The following PDE4D variants were observed in gnomAD, a reference collection of about 807,000 sequenced individuals.
The protein encoded by PDE4D is 3',5'-cyclic-AMP phosphodiesterase 4D.
In PDE4D, 24 loss-of-function variants were observed where a neutral mutation model predicts 87.4. That is an observed-to-expected ratio of 0.27 (90% CI 0.20 to 0.39). The LOEUF (loss-of-function observed/expected upper bound fraction) is 0.39. Ranked by LOEUF, PDE4D falls within the 10% of genes least tolerant of loss-of-function variation. PDE4D has a pLI of 1.00. For synonymous variants in PDE4D, 384 were observed against 383.2 expected, an observed-to-expected ratio of 1.00 and a Z score of -0.02; for missense variants, 714 against 1,041.0, an observed-to-expected ratio of 0.69 and a Z score of 4.32.
At chr5:59,394,900 G>A (rs987029182) in intron 1 of PDE4D, among the ~76,000 whole-genome samples, 28 of 152,210 alleles carry the variant, frequency 1.8e-4, no homozygotes, top group African/African-American at 3.1e-4. Flanking sequence ...GAAGCAGGGC[G>A]AGGCATTGCC....
chr5:59,249,621 T>C (rs1309087404), intron 1 of PDE4D, among the ~76,000 whole-genome samples: 4 of 152,090 alleles, frequency 2.6e-5, no homozygotes, highest in African/African-American at 9.7e-5. Context: ...ATATAAGTAA[T>C]GTTTGAAATA....
chr5:59,971,621 G>A (rs1210437610), intron 3 of PDE4D, among the ~76,000 whole-genome samples: 1 of 152,062 alleles, frequency 6.6e-6, no homozygotes, highest in Non-Finnish European at 1.5e-5. Context: ...TCTCCTTATT[G>A]AGAGCTTTAA....
At chr5:60,102,522 T>G (rs956399973) in intron 2 of PDE4D, among the ~76,000 whole-genome samples, 2 of 152,106 alleles carry the variant, frequency 1.3e-5, no homozygotes, top group East Asian at 3.9e-4. Flanking sequence ...TCTAAATAAA[T>G]TCAGAGAATT....
chr5:59,705,269 T>G (rs1324991519), intron 1 of PDE4D, among the ~76,000 whole-genome samples: 2 of 152,188 alleles, frequency 1.3e-5, no homozygotes, highest in African/African-American at 2.4e-5. Flanking sequence ...ACCAAACTGT[T>G]GTCTGGAGCC....
At chr5:60,022,617 C>T (rs185304343) in intron 2 of PDE4D, 4 of 152,360 alleles carry the variant, frequency 2.6e-5, no homozygotes, top group African/African-American at 9.6e-5. Context: ...CTCATTACAT[C>T]TCAATGTCCC....
At chr5:59,622,165 T>C (rs1200500004) in intron 1 of PDE4D, among the ~76,000 whole-genome samples, 1 of 152,110 alleles carries the variant, frequency 6.6e-6, no homozygotes, top group African/African-American at 2.4e-5. Context: ...CTACACTATT[T>C]TCTTTATATA....
At chr5:60,482,412 A>C (rs537257044) in intron 1 of PDE4D, among the ~76,000 whole-genome samples, 62 of 152,306 alleles carry the variant, frequency 4.1e-4, no homozygotes, top group African/African-American at 1.5e-3. Context: ...CCAACTTTTT[A>C]TTCTTCCCAG....
At chr5:59,644,978 GAA>G (rs570091750) in intron 1 of PDE4D, among the ~76,000 whole-genome samples, 391 of 152,266 alleles carry the variant, frequency 2.6e-3, no homozygotes, top group Non-Finnish European at 4.2e-3. Flanking sequence ...TTTGCCCCCT[GAA>G]AAGATTATGC....
intron 2 of PDE4D, among the ~76,000 whole-genome samples, chr5:60,102,401 C>T (rs1776314159): frequency 6.6e-6 from 1 of 152,126 alleles, no homozygotes; most frequent in Non-Finnish European, 1.5e-5. Context: ...TTTCAAACAT[C>T]CTGCCAGCTA....
At chr5:59,875,689 A>T (rs1352491884) in intron 1 of PDE4D, among the ~76,000 whole-genome samples, 2 of 151,792 alleles carry the variant, frequency 1.3e-5, no homozygotes, top group African/African-American at 4.8e-5. Context: ...CAACCAATCC[A>T]CACTATTCTC....
In PDE4D at chr5:60,496,580, GA is replaced by G. The variant is rs541832145; in HGVS notation, n.70+25470del. On this transcript the variant is annotated intron_variant and non_coding_transcript_variant, in intron 1 of 2. Coordinates refer to the PDE4D transcript ENST00000506510. ...AGCTGTTTGTACTCACATAATGAAA[GA>G]AAAAAAGGAAACTGTGTATGACAAA... Among the ~76,000 whole-genome samples the G allele has an allele frequency of 2.1e-3, 313 of 151,606 alleles. 2 individuals carry two copies. Among genetic ancestry groups the G allele is most frequent in the African/African-American group, 7.2e-3 (299 of 41,364 alleles).
intron 5 of PDE4D, among the ~76,000 whole-genome samples, chr5:59,084,376 G>A (rs1355386183): frequency 2.6e-5 from 4 of 151,622 alleles, no homozygotes; most frequent in Middle Eastern, 3.2e-3. Flanking sequence ...AGAAAATATT[G>A]GTGTTGGAAA....
chr5:59,708,254 T>C (rs1753732033), intron 1 of PDE4D, among the ~76,000 whole-genome samples: 1 of 152,152 alleles, frequency 6.6e-6, no homozygotes, highest in Non-Finnish European at 1.5e-5. Context: ...CATGAATGTC[T>C]TCTTTTGAGA....
intron 2 of PDE4D, among the ~76,000 whole-genome samples, chr5:60,122,973 A>T (rs1778820289): frequency 6.6e-6 from 1 of 152,196 alleles, no homozygotes; most frequent in African/African-American, 2.4e-5. Flanking sequence ...AAAGTTCCAC[A>T]AATTTCTAGG....
At chr5:58,989,983 G>T (rs201297536) in intron 9 of PDE4D, 64 bp from the exon 10 acceptor site, 3 of 836,994 alleles carry the variant, frequency 3.6e-6, no homozygotes, top group African/African-American at 3.9e-5. Context: ...CATAGAGTAT[G>T]TTTAAAAAAA....
chr5:60,447,429 G>A (rs1745731933), intron 1 of PDE4D, among the ~76,000 whole-genome samples: 1 of 152,082 alleles, frequency 6.6e-6, no homozygotes, highest in South Asian at 2.1e-4. Context: ...CTTTGTGATT[G>A]CTAATTCCTT....
At chr5:59,194,892 G>C (rs928565791) in intron 2 of PDE4D, among the ~76,000 whole-genome samples, 7 of 152,292 alleles carry the variant, frequency 4.6e-5, no homozygotes, top group African/African-American at 1.7e-4. Flanking sequence ...ACAGTATTAA[G>C]AGGTGGGGGC....
chr5:59,835,865 C>T (rs530433365), intron 1 of PDE4D, among the ~76,000 whole-genome samples: 43 of 151,982 alleles, frequency 2.8e-4, no homozygotes, highest in Middle Eastern at 3.4e-3. Flanking sequence ...TTCCATAACT[C>T]GAAAGCAGGC....
At chr5:59,629,933 G>A (rs1831355913) in intron 1 of PDE4D, among the ~76,000 whole-genome samples, 2 of 151,994 alleles carry the variant, frequency 1.3e-5, no homozygotes, top group Admixed American at 1.3e-4. Flanking sequence ...TTACTACCTT[G>A]ACTTATCTAA....
Sources: gnomAD v4.1 joint callset for allele counts (sites outside exome capture counted in the v4.1 genomes callset) on GRCh38, gnomAD v4.1.1 for gene constraint, MANE v1.5 for transcripts, NCBI Gene and HGNC (gene_info 2026-07-23, HGNC 2026-07-21) for gene names.